Variants in NIBAN3 observed in about 807,000 individuals in gnomAD.
NIBAN3 encodes protein Niban 3.
NIBAN3 carries 66 observed loss-of-function variants against 76.4 expected under a neutral mutation model. The observed-to-expected ratio is 0.86, with a 90% CI of 0.71 to 1.06. NIBAN3 has a LOEUF of 1.06. Among genes scored for constraint, NIBAN3 ranks in the 50% least tolerant of loss-of-function variants. The pLI is 0.00. For synonymous variants in NIBAN3, 360 were observed against 355.2 expected (o/e 1.01, Z -0.15); for missense variants, 808 against 810.7 (o/e 1.00, Z 0.04).
chr19:17,554,175 G>A (rs1347414354), downstream of NIBAN3, among the ~76,000 whole-genome samples: 1 of 151,584 alleles, frequency 6.6e-6, no homozygotes, highest in Non-Finnish European at 1.5e-5. Flanking sequence ...CACCTGGCCT[G>A]TATCATTCTT....
rs1362861253 is a variant in NIBAN3 at position 17,532,370 on chromosome 19, G to A, written c.294G>A (p.Glu98=). The A allele has an allele frequency of 1.9e-6, 3 of 1,614,096 alleles. No homozygotes were observed. The highest frequency in any genetic ancestry group is 2.7e-5 in the African/African-American group (2 of 74,944). ...TTCTGCGTGGGGACGGCCGCCTAGA[G>A]TGGTTCAGCCACAAGGAGGTGCGTG... ...FCVLRGDGRL[E]WFSHKEEYEN... is the part of the protein sequence containing the mutation. The change falls in exon 3 of 15, where the codon GAG becomes GAA. Residue 98 remains glutamate, a synonymous_variant. Transcript: ENST00000599164.
intron 1 of NIBAN3, among the ~76,000 whole-genome samples, chr19:17,530,317 C>T (rs962176308): frequency 6.9e-6 from 1 of 144,716 alleles, no homozygotes; most frequent in Non-Finnish European, 1.5e-5. Flanking sequence ...GAGACTCCAT[C>T]AAAACAAAAA....
chr19:17,535,762 AG>A (rs1208740169), intron 4 of NIBAN3, among the ~76,000 whole-genome samples: 2 of 150,822 alleles, frequency 1.3e-5, no homozygotes, highest in Non-Finnish European at 3.0e-5. Context: ...AAAAAAAAAA[AG>A]CCAGGTGGCT....
At chr19:17,523,595 CA>C, upstream of NIBAN3, 1 of 665,154 alleles carries the variant, frequency 1.5e-6, no homozygotes, top group Admixed American at 2.9e-5. Context: ...AGGGACCCCA[CA>C]TGGATGGTTG....
At chr19:17,547,429 A>G (rs540060451) in intron 13 of NIBAN3, among the ~76,000 whole-genome samples, 68 of 113,012 alleles carry the variant, frequency 6.0e-4, no homozygotes, top group Non-Finnish European at 8.4e-4. Flanking sequence ...ATCTTGGCTC[A>G]CTGCAACCTC....
rs757360277 is a variant in NIBAN3, at chr19:17,553,422, G to A, written c.*1524G>A. 5 of 1,614,068 alleles carry A rather than the reference G, an allele frequency of 3.1e-6. No homozygotes were observed. In the African/African-American group the frequency reaches 4.0e-5, roughly 13 times the overall value. ...CTAACTGGATATTGGCAGCTTCTCT[G>A]CTGTCTTGCAGCTGCTTCCGGAGTG... On this transcript the variant is annotated 3_prime_UTR_variant, in exon 15 of 15. Coordinates refer to ENST00000599164, the MANE Select transcript of NIBAN3 (RefSeq NM_001321827.2).
chr19:17,548,556 A>G (rs2076100157), intron 13 of NIBAN3, among the ~76,000 whole-genome samples: 1 of 152,168 alleles, frequency 6.6e-6, no homozygotes, highest in Admixed American at 6.5e-5. Flanking sequence ...TCCACAAGCC[A>G]GGGAAGGTGT....
At chr19:17,524,197 T>C (rs1346194353), upstream of NIBAN3, among the ~76,000 whole-genome samples, 2 of 149,756 alleles carry the variant, frequency 1.3e-5, no homozygotes, top group East Asian at 4.1e-4. Flanking sequence ...AACTCCTCGC[T>C]TCCTTTCATC....
upstream of NIBAN3, among the ~76,000 whole-genome samples, chr19:17,525,424 G>A (rs2075595902): frequency 6.6e-6 from 1 of 152,130 alleles, no homozygotes; most frequent in Admixed American, 6.6e-5. Flanking sequence ...TCTGTGCCAG[G>A]CACAAAACAG....
chr19:17,529,918 G>A (rs987589121), intron 1 of NIBAN3, among the ~76,000 whole-genome samples: 1 of 152,100 alleles, frequency 6.6e-6, no homozygotes, highest in Non-Finnish European at 1.5e-5. Context: ...AATTAGCTGG[G>A]CATGGTGGCA....
chr19:17,545,135 C>A (rs2076025817), intron 12 of NIBAN3: 1 of 151,900 alleles, frequency 6.6e-6, no homozygotes, highest in Non-Finnish European at 1.5e-5. Flanking sequence ...TGTAGTCCAG[C>A]CTGGGTGACA....
At chr19:17,546,951 G>C (rs2076066855) in intron 13 of NIBAN3, among the ~76,000 whole-genome samples, 154 bp downstream of exon 13, 1 of 152,188 alleles carries the variant, frequency 6.6e-6, no homozygotes, top group South Asian at 2.1e-4. Flanking sequence ...GGGTAGAGGA[G>C]CTCAGAGGGG....
At chr19:17,545,741 T>G (rs1169928706) in intron 12 of NIBAN3, 1 of 176,618 alleles carries the variant, frequency 5.7e-6, no homozygotes, top group East Asian at 1.6e-4. Context: ...ACTACTGCTA[T>G]CTAGAAGGCA....
At chr19:17,546,946 G>C in intron 13 of NIBAN3, 149 bp downstream of exon 13, 1 of 921,204 alleles carries the variant, frequency 1.1e-6, no homozygotes, top group Non-Finnish European at 1.6e-6. Context: ...GTCCAGGGTA[G>C]AGGAGCTCAG....
intron 4 of NIBAN3, among the ~76,000 whole-genome samples, chr19:17,536,734 C>T (rs533314328): frequency 5.1e-4 from 77 of 152,280 alleles, no homozygotes; most frequent in African/African-American, 1.8e-3. Flanking sequence ...GCTGAATTCA[C>T]TTATTTTGTC....
chr19:17,528,098 G>C (rs1270279787), intron 1 of NIBAN3, among the ~76,000 whole-genome samples: 2 of 150,464 alleles, frequency 1.3e-5, no homozygotes, highest in Non-Finnish European at 3.0e-5. Flanking sequence ...GTTTTGTTTT[G>C]TTTTGTTTTT....
rs971988379 is a variant in NIBAN3 at position 17,543,773 on chromosome 19, A to G, written c.1554+142A>G. On this transcript the variant is annotated intron_variant, in intron 12 of 14. Transcript: ENST00000599164. ...TTTGGGAGGCCAAGGCAGGCAGATC[A>G]CAAGGTCAGGAGTTCGAGACTAGCC... is the stretch of plus-strand genomic sequence containing the variant. The G allele has an allele frequency of 9.3e-6, 6 of 644,962 alleles. No homozygotes were observed. In the Admixed American group the frequency reaches 1.7e-4, roughly 18 times the overall value. The allele number at this position is 644,962 out of a possible 1,614,324, so 40.0% of individuals were successfully genotyped here. A position where few individuals can be genotyped will look rare whatever the true frequency, so the allele number is the denominator to read the frequency against.
At chr19:17,539,555 T>A (rs912820282) in intron 7 of NIBAN3, 48 bp from the exon 8 acceptor site, 1 of 1,478,288 alleles carries the variant, frequency 6.8e-7, no homozygotes, top group African/African-American at 1.4e-5. Context: ...CTGACCCCCA[T>A]CCCCGCCCCG....
intron 13 of NIBAN3, 26 bp downstream of exon 13, chr19:17,546,823 G>A: frequency 6.4e-7 from 1 of 1,570,760 alleles, no homozygotes; most frequent in Non-Finnish European, 8.6e-7. Flanking sequence ...CCATGGCTCA[G>A]AGGAGCCTGG....
Sources: allele counts gnomAD v4.1 joint callset (sites outside exome capture counted in the v4.1 genomes callset), GRCh38; gene constraint gnomAD v4.1.1; transcripts MANE v1.5; gene names NCBI Gene and HGNC (gene_info 2026-07-23, HGNC 2026-07-21).